Variants in ATP10A observed in about 807,000 individuals in gnomAD.
ATP10A encodes the protein phospholipid-transporting ATPase VA.
A neutral mutation model predicts 147.8 loss-of-function variants in ATP10A; 111 were observed. That is an observed-to-expected ratio of 0.75 (90% CI 0.64 to 0.88). ATP10A has a LOEUF of 0.88. ATP10A is among the 40% of genes least tolerant of loss of function. The pLI is 0.00. For missense variants in ATP10A, 1,927 were observed against 1,959.0 expected, an observed-to-expected ratio of 0.98 and a Z score of 0.31; for synonymous variants, 875 against 841.6, an observed-to-expected ratio of 1.04 and a Z score of -0.69.
chr15:25,767,980 G>A (rs1889117384), intron 2 of ATP10A, among the ~76,000 whole-genome samples: 3 of 152,204 alleles, frequency 2.0e-5, no homozygotes, highest in African/African-American at 7.2e-5. Flanking sequence ...GTGAACATGG[G>A]GCCAAGGGGG....
rs1428389963 is a variant in ATP10A at position 25,721,505 on chromosome 15, C to A, written c.1363+152G>T. The A allele has an allele frequency of 5.1e-6, 6 of 1,168,044 alleles. No homozygotes were observed. In the East Asian group the frequency reaches 7.2e-5, roughly 14 times the overall value. The allele number at this position is 1,168,044 out of a possible 1,614,324, so 72.4% of individuals were successfully genotyped here. ...GGCACCTGAGCTGCTGTGACAGCCA[C>A]GTCTTTATACTCCCTTGAAAATCAG... On this transcript the variant is annotated intron_variant, in intron 7 of 20. Coordinates refer to ENST00000555815, the MANE Select transcript of ATP10A (RefSeq NM_024490.4).
At chr15:25,819,603 T>C (rs1489674168) in intron 1 of ATP10A, among the ~76,000 whole-genome samples, 2 of 151,932 alleles carry the variant, frequency 1.3e-5, no homozygotes, top group Non-Finnish European at 2.9e-5. Context: ...AAAATCATTA[T>C]ATCAAAAAGA....
At chr15:25,693,626 C>T (rs1232058391) in intron 14 of ATP10A, among the ~76,000 whole-genome samples, 4 of 152,212 alleles carry the variant, frequency 2.6e-5, no homozygotes, top group Non-Finnish European at 4.4e-5. Context: ...TCCAGCTCCT[C>T]AGGGAAACCT....
At chr15:25,674,138 G>A, downstream of ATP10A, among the ~76,000 whole-genome samples, 1 of 152,208 alleles carries the variant, frequency 6.6e-6, no homozygotes. Context: ...TGAGTTGCAT[G>A]GTGCCCTGAC....
At chr15:25,721,440 G>A (rs551632144) in intron 7 of ATP10A, among the ~76,000 whole-genome samples, 2 of 152,284 alleles carry the variant, frequency 1.3e-5, no homozygotes, top group South Asian at 4.1e-4. Flanking sequence ...AGGGCGGGCG[G>A]CCGTGCCAGT....
At chr15:25,700,193 C>T (rs542600669) in intron 13 of ATP10A, among the ~76,000 whole-genome samples, 25 of 152,346 alleles carry the variant, frequency 1.6e-4, no homozygotes, top group African/African-American at 6.0e-4. Context: ...TACCACTACA[C>T]ACCCATTAGA....
chr15:25,732,187 G>A (rs951875147), intron 3 of ATP10A, among the ~76,000 whole-genome samples: 5 of 152,074 alleles, frequency 3.3e-5, no homozygotes, highest in Admixed American at 2.6e-4. Context: ...GTTTGTATTT[G>A]TATCATCAGA....
chr15:25,733,453 C>G (rs68168758), intron 3 of ATP10A, among the ~76,000 whole-genome samples: 11 of 151,984 alleles, frequency 7.2e-5, no homozygotes, highest in African/African-American at 2.7e-4. Flanking sequence ...TTCCTCACTG[C>G]GAGGCTGCCC....
intron 5 of ATP10A, among the ~76,000 whole-genome samples, 170 bp downstream of exon 5, chr15:25,725,781 C>T (rs1221251321): frequency 1.3e-5 from 2 of 151,370 alleles, no homozygotes; most frequent in Admixed American, 1.3e-4. Flanking sequence ...ACTACAGGCA[C>T]ATTTTTTTTG....
At chr15:25,782,274 T>C (rs982099578) in intron 1 of ATP10A, among the ~76,000 whole-genome samples, 1 of 151,982 alleles carries the variant, frequency 6.6e-6, no homozygotes, top group Admixed American at 6.6e-5. Flanking sequence ...GAATGGAGAG[T>C]TACCATTTTA....
intron 1 of ATP10A, among the ~76,000 whole-genome samples, chr15:25,821,657 GC>G (rs1395970560): frequency 2.6e-5 from 4 of 152,142 alleles, no homozygotes; most frequent in Admixed American, 2.0e-4. Flanking sequence ...AAGGATCTAT[GC>G]CCAGGTCAAA....
At chr15:25,690,540 C>T (rs555016707) in intron 15 of ATP10A, among the ~76,000 whole-genome samples, 4 of 152,146 alleles carry the variant, frequency 2.6e-5, no homozygotes, top group Admixed American at 6.5e-5. Flanking sequence ...ATGCCTGGCC[C>T]GCTTTAATTT....
intron 2 of ATP10A, among the ~76,000 whole-genome samples, chr15:25,761,796 A>G (rs1888772055): frequency 6.6e-6 from 1 of 152,146 alleles, no homozygotes; most frequent in African/African-American, 2.4e-5. Context: ...TTTTGATTTT[A>G]TAGTCTCATA....
intron 1 of ATP10A, among the ~76,000 whole-genome samples, chr15:25,846,188 A>G (rs1256291625): frequency 2.6e-5 from 4 of 152,088 alleles, no homozygotes; most frequent in Non-Finnish European, 5.9e-5. Context: ...CACGGGCACA[A>G]AGTTTCCGTT....
At chr15:25,728,217 G>A (rs1299481369) in intron 3 of ATP10A, among the ~76,000 whole-genome samples, 1 of 152,164 alleles carries the variant, frequency 6.6e-6, no homozygotes, top group African/African-American at 2.4e-5. Flanking sequence ...TTTCCCTCCT[G>A]CCAGCTATTG....
intron 16 of ATP10A, among the ~76,000 whole-genome samples, chr15:25,684,470 G>A (rs1899605873): frequency 1.3e-5 from 2 of 152,208 alleles, no homozygotes; most frequent in Admixed American, 1.3e-4. Context: ...CAGAGTCCCT[G>A]GAGAGCTATA....
chr15:25,741,107 C>A (rs1887561702), intron 2 of ATP10A, among the ~76,000 whole-genome samples: 1 of 152,226 alleles, frequency 6.6e-6, no homozygotes, highest in Non-Finnish European at 1.5e-5. Context: ...AGTCCCCATG[C>A]AGACATCAAA....
chr15:25,776,743 C>T (rs935923106), intron 2 of ATP10A, among the ~76,000 whole-genome samples: 1 of 152,324 alleles, frequency 6.6e-6, no homozygotes, highest in East Asian at 1.9e-4. Flanking sequence ...CCATGCCCAC[C>T]GCCTTCCGGT....
At chr15:25,676,549 A>G (rs865852485), downstream of ATP10A, among the ~76,000 whole-genome samples, 61 of 152,324 alleles carry the variant, frequency 4.0e-4, no homozygotes, top group South Asian at 4.1e-4. Flanking sequence ...ACTGAAAGAC[A>G]GTCTGGGTAT....
Sources: gnomAD v4.1 joint callset for allele counts (sites outside exome capture counted in the v4.1 genomes callset) on GRCh38, gnomAD v4.1.1 for gene constraint, MANE v1.5 for transcripts, NCBI Gene and HGNC (gene_info 2026-07-23, HGNC 2026-07-21) for gene names.